Variants in PAK1 observed in about 807,000 individuals in gnomAD.
The protein encoded by PAK1 is p21 (RAC1) activated kinase 1, also known as serine/threonine-protein kinase PAK 1.
PAK1 carries 29 observed loss-of-function variants against 67.4 expected under a neutral mutation model. The observed-to-expected ratio is 0.43, with a 90% CI of 0.32 to 0.59. PAK1 has a LOEUF of 0.59. Ranked by LOEUF, PAK1 falls within the 20% of genes least tolerant of loss-of-function variation. The probability of loss-of-function intolerance (pLI) is 0.07; values close to 1 mark genes in which losing one functional copy is unlikely to be tolerated. For synonymous variants in PAK1, 223 were observed against 237.4 expected (o/e 0.94, Z 0.56); for missense variants, 337 against 670.7 (o/e 0.50, Z 5.50).
At chr11:77,471,328 C>G (rs1273542655) in intron 1 of PAK1, among the ~76,000 whole-genome samples, 2 of 152,088 alleles carry the variant, frequency 1.3e-5, no homozygotes, top group African/African-American at 4.8e-5. Flanking sequence ...CTTTAGCAAG[C>G]ATCAGAATCA....
At chr11:77,459,234 T>G (rs756425110) in intron 1 of PAK1, among the ~76,000 whole-genome samples, 11 of 152,172 alleles carry the variant, frequency 7.2e-5, no homozygotes, top group Non-Finnish European at 1.5e-4. Flanking sequence ...TGATGGCTTT[T>G]GGGAAGAACA....
the PAK1 span, among the ~76,000 whole-genome samples, chr11:77,484,916 G>A: frequency 2.0e-5 from 3 of 152,164 alleles, no homozygotes; most frequent in African/African-American, 4.8e-5. Context: ...ACGGCAGAAG[G>A]CAAGGAGGAA....
At chr11:77,357,805 A>T (rs1946240499) in intron 6 of PAK1, among the ~76,000 whole-genome samples, 1 of 152,042 alleles carries the variant, frequency 6.6e-6, no homozygotes, top group Admixed American at 6.6e-5. Context: ...ATATTTACCC[A>T]CCTCTGCAGG....
chr11:77,366,850 A>T (rs1482177676), intron 5 of PAK1, among the ~76,000 whole-genome samples: 1 of 152,250 alleles, frequency 6.6e-6, no homozygotes, highest in Admixed American at 6.5e-5. Context: ...ATTCCTTGGT[A>T]TATACTCTGA....
chr11:77,438,774 A>G (rs555409035), intron 1 of PAK1, among the ~76,000 whole-genome samples: 1 of 152,286 alleles, frequency 6.6e-6, no homozygotes, highest in African/African-American at 2.4e-5. Flanking sequence ...AGATGGCTTT[A>G]CCTCTCTGGA....
chr11:77,433,664 A>C (rs1199471118), intron 1 of PAK1, among the ~76,000 whole-genome samples: 1 of 152,176 alleles, frequency 6.6e-6, no homozygotes, highest in Non-Finnish European at 1.5e-5. Flanking sequence ...CTGTAGTCCC[A>C]GCTACTGGAG....
At chr11:77,511,281 C>T in the PAK1 span, among the ~76,000 whole-genome samples, 1 of 152,106 alleles carries the variant, frequency 6.6e-6, no homozygotes, top group Admixed American at 6.5e-5. Flanking sequence ...GCAAAAACAT[C>T]GAGAACACCA....
At chr11:77,416,554 A>C (rs888622013) in intron 1 of PAK1, among the ~76,000 whole-genome samples, 10 of 152,202 alleles carry the variant, frequency 6.6e-5, no homozygotes, top group Non-Finnish European at 1.5e-5. Context: ...TTTTACAGTT[A>C]ACTTTTTTTT....
At chr11:77,420,265 C>T (rs1045424426) in intron 1 of PAK1, among the ~76,000 whole-genome samples, 5 of 152,212 alleles carry the variant, frequency 3.3e-5, no homozygotes, top group Non-Finnish European at 5.9e-5. Flanking sequence ...CAGTAAATAA[C>T]TTGGTCCTTC....
At chr11:77,331,529 G>T (rs1404964639) in intron 14 of PAK1, among the ~76,000 whole-genome samples, 1 of 152,100 alleles carries the variant, frequency 6.6e-6, no homozygotes, top group Admixed American at 6.5e-5. Context: ...GCAAACTATT[G>T]CAAGGACAAA....
intron 4 of PAK1, among the ~76,000 whole-genome samples, chr11:77,375,320 G>A (rs1327858452): frequency 6.6e-6 from 1 of 152,178 alleles, no homozygotes; most frequent in East Asian, 1.9e-4. Flanking sequence ...AGTCATCCAT[G>A]CCAAAACATG....
intron 1 of PAK1, among the ~76,000 whole-genome samples, chr11:77,397,326 G>C (rs558341147): frequency 9.9e-4 from 151 of 152,320 alleles, no homozygotes; most frequent in African/African-American, 3.5e-3. Flanking sequence ...TCACTGTGAG[G>C]TTTCAAAAGG....
At chr11:77,524,363 C>T in the PAK1 span, among the ~76,000 whole-genome samples, 1 of 152,318 alleles carries the variant, frequency 6.6e-6, no homozygotes, top group African/African-American at 2.4e-5. Flanking sequence ...GGAGTGTGCA[C>T]TCCACTGGGG....
At chr11:77,446,302 A>T (rs1368742206) in intron 1 of PAK1, among the ~76,000 whole-genome samples, 2 of 152,138 alleles carry the variant, frequency 1.3e-5, no homozygotes, top group Non-Finnish European at 2.9e-5. Context: ...ACCTGAGGCC[A>T]GGAGTTCGAG....
At chr11:77,412,602 A>AT (rs1422087544) in intron 1 of PAK1, among the ~76,000 whole-genome samples, 3 of 151,604 alleles carry the variant, frequency 2.0e-5, no homozygotes, top group Admixed American at 6.6e-5. Context: ...TTATTTTTAT[A>AT]TTTTTTGTAC....
At chr11:77,469,687 C>CTTTT (rs527648240) in intron 1 of PAK1, among the ~76,000 whole-genome samples, 3 of 137,574 alleles carry the variant, frequency 2.2e-5, no homozygotes, top group African/African-American at 7.9e-5. Context: ...TGTGAAGAGA[C>CTTTT]TTTTTTTTTT....
chr11:77,469,744 G>A (rs1446723712), intron 1 of PAK1, among the ~76,000 whole-genome samples: 4 of 151,586 alleles, frequency 2.6e-5, no homozygotes, highest in Non-Finnish European at 5.9e-5. Context: ...GCAAACACTG[G>A]TGTGGGAGAA....
At chr11:77,349,349 G>A (rs1944912222) in intron 8 of PAK1, 62 bp from the exon 9 acceptor site, 1 of 1,261,124 alleles carries the variant, frequency 7.9e-7, no homozygotes, top group Non-Finnish European at 1.1e-6. Context: ...AGTGATATTT[G>A]TCAAATGCAG....
chr11:77,390,293 G>A (rs981377998), intron 2 of PAK1, among the ~76,000 whole-genome samples: 2 of 151,918 alleles, frequency 1.3e-5, no homozygotes, highest in Admixed American at 1.3e-4. Flanking sequence ...TCCGCCTCCC[G>A]GGTTCAAGTG....
Sources: gnomAD v4.1 joint callset for allele counts (sites outside exome capture counted in the v4.1 genomes callset) on GRCh38, gnomAD v4.1.1 for gene constraint, MANE v1.5 for transcripts, NCBI Gene and HGNC (gene_info 2026-07-23, HGNC 2026-07-21) for gene names.